The following FLNB variants were observed in gnomAD, a reference collection of about 807,000 sequenced individuals.
The protein encoded by FLNB is filamin-B.
In FLNB, 111 loss-of-function variants were observed where a neutral mutation model predicts 250.6. That is an observed-to-expected ratio of 0.44 (90% CI 0.38 to 0.52). FLNB has a LOEUF of 0.52. Among genes scored for constraint, FLNB ranks in the 20% least tolerant of loss-of-function variants. The pLI is 0.00. For synonymous variants in FLNB, 1,302 were observed against 1,372.1 expected (o/e 0.95, Z 1.13); for missense variants, 2,869 against 3,447.8 (o/e 0.83, Z 4.20).
chr3:58,141,941 G>T lies in FLNB; in HGVS notation c.5181+12G>T, dbSNP rs1178525312. ...GATTCAGGCCCTGGGTACAATTTTG[G>T]TTTTTTCCTTTTTGTGTTTCTGTGT... is the stretch of plus-strand genomic sequence containing the variant. On this transcript the variant is annotated intron_variant, in intron 30 of 45. Transcript: ENST00000295956. 10 of 1,612,680 alleles carry T rather than the reference G, an allele frequency of 6.2e-6. No individual in the cohort carries two copies. The African/African-American group carries it at 8.0e-5, about 13-fold the overall frequency.
intron 26 of FLNB, among the ~76,000 whole-genome samples, chr3:58,133,499 T>G (rs9858499): frequency 0.017 from 1,967 of 114,334 alleles, 50 homozygotes; most frequent in African/African-American, 0.055. Context: ...ATGAAATAAA[T>G]AATTTATTAG....
At position 58,123,128 on chromosome 3, in the gene FLNB, C is replaced by A. The variant is rs762025870; in HGVS notation, c.3162C>A (p.Leu1054=). The A allele has an allele frequency of 6.2e-7, 1 of 1,614,174 alleles. No individual in the cohort carries two copies. The highest frequency in any genetic ancestry group is 2.2e-5 in the East Asian group (1 of 44,886). ...ACGGTCCCGGCCTCGAAGGTGGTCT[C>A]GTGGGCAAGCCTGCCGAGTTCACCA... The part of the protein sequence containing the change: ...KAHGPGLEGG[L]VGKPAEFTID... Residue 1054 remains leucine, a synonymous_variant, in exon 21 of 46, where the codon CTC becomes CTA. Coordinates refer to ENST00000295956, the MANE Select transcript of FLNB (RefSeq NM_001457.4).
intron 6 of FLNB, 103 bp from the exon 7 acceptor site, chr3:58,097,712 A>T: frequency 8.6e-7 from 1 of 1,162,180 alleles, no homozygotes; most frequent in Non-Finnish European, 1.3e-6. Context: ...GTGTGCCATC[A>T]TGGGAGGGTA....
At chr3:58,111,552 C>T (rs2097268698) in intron 16 of FLNB, among the ~76,000 whole-genome samples, 1 of 152,138 alleles carries the variant, frequency 6.6e-6, no homozygotes, top group African/African-American at 2.4e-5. Flanking sequence ...GCTCAAAGTC[C>T]TCGGGTTTGT....
Position 58,126,719 on chromosome 3 carries a change from G to A in FLNB, c.4179G>A (p.Gly1393=), listed in dbSNP as rs761751926. The A allele has an allele frequency of 1.9e-6, 3 of 1,613,812 alleles. No individual in the cohort carries two copies. In the African/African-American group the frequency reaches 4.0e-5, roughly 22 times the overall value. The change falls in exon 24 of 46, where the codon GGG becomes GGA. Residue 1393 remains glycine (G), a synonymous_variant. Transcript: ENST00000295956. ...CSAEYIPFAP[G]DYDVNITYGG... The stretch of plus-strand genomic sequence containing the variant: ...CTGAGTACATTCCTTTCGCACCGGG[G>A]GATTACGATGTTAATATCACATATG...
chr3:58,168,531 T>C lies in FLNB; in HGVS notation c.7290T>C (p.Asp2430=), dbSNP rs755231272. 4 of 1,614,166 alleles carry C rather than the reference T, an allele frequency of 2.5e-6. No individual in the cohort carries two copies. In the East Asian group the frequency reaches 8.9e-5, roughly 36 times the overall value. ...TIEGPSKVKM[D]CQETPEGYKV... Reference sequence around the variant, plus strand: ...AAGGCCCATCCAAGGTTAAAATGGATTGCCAGGAAACACCTGAAGGGTACA... The same window carrying C: ...AAGGCCCATCCAAGGTTAAAATGGACTGCCAGGAAACACCTGAAGGGTACA... Residue 2430 remains aspartate, a synonymous_variant, in exon 44 of 46, where the codon GAT becomes GAC. Transcript: ENST00000295956.
intron 1 of FLNB, among the ~76,000 whole-genome samples, chr3:58,014,783 C>T (rs1349387879): frequency 1.3e-5 from 2 of 152,156 alleles, no homozygotes; most frequent in African/African-American, 4.8e-5. Flanking sequence ...GGTTGGAGTG[C>T]AGTGGCGTGA....
chr3:58,126,714 C>G lies in FLNB; in HGVS notation c.4174C>G (p.Pro1392Ala). ...CAGTGCTGAGTACATTCCTTTCGCACCGGGGGATTACGATGTTAATATCAC... is the reference window on the plus strand; with the variant it reads ...CAGTGCTGAGTACATTCCTTTCGCAGCGGGGGATTACGATGTTAATATCAC... ...SCSAEYIPFA[P>A]GDYDVNITYG... Residue 1392 changes from proline (P) to alanine (A), a missense_variant, in exon 24 of 46, where the codon CCG (proline) becomes GCG (alanine). By Grantham distance (27) the Pro-to-Ala change is conservative (BLOSUM62 -1). This residue lies in a region of FLNB where 1,348 missense variants were observed against 1,466.7 expected (regional missense o/e 0.92). Coordinates refer to ENST00000295956, the MANE Select transcript of FLNB (RefSeq NM_001457.4). 1 of 1,613,884 alleles carries G rather than the reference C, an allele frequency of 6.2e-7. No individual in the cohort carries two copies. Among genetic ancestry groups the G allele is most frequent in the Non-Finnish European group, 8.5e-7 (1 of 1,179,862 alleles).
At chr3:58,109,411 C>T in intron 14 of FLNB, 89 bp downstream of exon 14, 2 of 1,583,578 alleles carry the variant, frequency 1.3e-6, no homozygotes, top group East Asian at 2.3e-5. Flanking sequence ...CCAAGGCAGA[C>T]ATATGGAAGG....
At chr3:58,043,618 C>T (rs970527988) in intron 1 of FLNB, among the ~76,000 whole-genome samples, 2 of 152,136 alleles carry the variant, frequency 1.3e-5, no homozygotes, top group South Asian at 2.1e-4. Context: ...CTGCTTCATT[C>T]ATTTTGGCTC....
chr3:58,033,768 T>A (rs1330127741), intron 1 of FLNB, among the ~76,000 whole-genome samples: 1 of 152,254 alleles, frequency 6.6e-6, no homozygotes, highest in East Asian at 1.9e-4. Flanking sequence ...TCAATAGTCC[T>A]ATTCCTTTTT....
At chr3:58,060,192 GT>G (rs201251597) in intron 1 of FLNB, among the ~76,000 whole-genome samples, 1 of 152,036 alleles carries the variant, frequency 6.6e-6, no homozygotes, top group African/African-American at 2.4e-5. Context: ...GAAGGTGGGT[GT>G]TTTTTGTTTT....
intron 1 of FLNB, among the ~76,000 whole-genome samples, chr3:58,014,874 G>A (rs755359628): frequency 2.7e-4 from 41 of 152,212 alleles, no homozygotes; most frequent in African/African-American, 7.9e-4. Context: ...GATTACAGGC[G>A]TGCGCCACTA....
chr3:58,108,686 T>C (rs915196018), intron 13 of FLNB, 115 bp downstream of exon 13: 37 of 715,494 alleles, frequency 5.2e-5, no homozygotes, highest in Admixed American at 1.0e-4. Context: ...ACCGTGGAAA[T>C]GATAAGAAGA....
rs2097339094 is a variant in FLNB at position 58,148,306 on chromosome 3, G to A, written c.5829G>A (p.Lys1943=). The part of the protein sequence containing the change: ...TDLSSLTASI[K]APSGRDEPCL... ...TCAGCAGCCTGACGGCCAGCATTAA[G>A]GCCCCATCTGGCCGAGACGAGCCCT... The change falls in exon 35 of 46, where the codon AAG becomes AAA. Residue 1943 remains lysine, a synonymous_variant. Coordinates refer to ENST00000295956, the MANE Select transcript of FLNB (RefSeq NM_001457.4). The A allele has an allele frequency of 6.2e-7, 1 of 1,614,114 alleles. No homozygotes were observed. The highest frequency in any genetic ancestry group is 2.2e-5 in the East Asian group (1 of 44,876).
At chr3:58,039,482 A>AG in intron 1 of FLNB, among the ~76,000 whole-genome samples, 1 of 152,272 alleles carries the variant, frequency 6.6e-6, no homozygotes, top group Non-Finnish European at 1.5e-5. Flanking sequence ...ACAGCTGACC[A>AG]GGGGCTAGTC....
intron 34 of FLNB, among the ~76,000 whole-genome samples, 160 bp from the exon 35 acceptor site, chr3:58,148,046 T>C (rs1697377873): frequency 1.3e-5 from 2 of 151,936 alleles, no homozygotes; most frequent in South Asian, 4.2e-4. Flanking sequence ...TCATTCTTCA[T>C]TGGTTGGGTC....
intron 1 of FLNB, among the ~76,000 whole-genome samples, chr3:58,075,254 C>T (rs1398313391): frequency 6.6e-6 from 1 of 151,900 alleles, no homozygotes; most frequent in Non-Finnish European, 1.5e-5. Flanking sequence ...CTCAGTCACT[C>T]CTCAACAAGC....
chr3:58,094,783 C>T, intron 4 of FLNB, 53 bp from the exon 5 acceptor site: 1 of 1,463,142 alleles, frequency 6.8e-7, no homozygotes, highest in South Asian at 1.1e-5. Context: ...TGGGCGATGG[C>T]TCATGACACA....
Sources: gnomAD v4.1 joint callset for allele counts (sites outside exome capture counted in the v4.1 genomes callset) on GRCh38, gnomAD v4.1.1 for gene constraint, gnomAD v4.1.1 regional missense constraint, MANE v1.5 for transcripts, NCBI Gene and HGNC (gene_info 2026-07-23, HGNC 2026-07-21) for gene names.